Variants in ST14 observed in about 807,000 individuals in gnomAD.
ST14 encodes the protein suppressor of tumorigenicity 14 protein.
ST14 carries 40 observed loss-of-function variants against 96.5 expected under a neutral mutation model. The ratio of observed to expected loss-of-function variants is 0.41; its 90% CI spans 0.32 to 0.54. The LOEUF (loss-of-function observed/expected upper bound fraction) is 0.54. Ranked by LOEUF, ST14 falls within the 20% of genes least tolerant of loss-of-function variation. ST14 has a pLI of 0.17. For synonymous variants in ST14, 506 were observed against 492.1 expected, an observed-to-expected ratio of 1.03 and a Z score of -0.37; for missense variants, 1,066 against 1,188.9, an observed-to-expected ratio of 0.90 and a Z score of 1.52.
At position 130,188,323 on chromosome 11, in the gene ST14, C is replaced by A. The variant is rs918395668; in HGVS notation, c.241+50C>A. 1.3e-5 allele frequency: 20 copies of A among 1,594,210 alleles called. No homozygotes were observed. In the South Asian group the frequency reaches 2.1e-4, roughly 16 times the overall value. On this transcript the variant is annotated intron_variant, in intron 2 of 18. Transcript: ENST00000278742. The surrounding 1 kb of genome is among the most constrained non-coding windows in gnomAD (Gnocchi z 5.4). ...GGGGAGGACGACAAGGGGTGGCTGT[C>A]CCTCTTCCCTCAGCGGACAGACCCA...
chr11:130,160,250 A>G (rs1425028140), intron 1 of ST14, among the ~76,000 whole-genome samples, 190 bp downstream of exon 1: 3 of 148,194 alleles, frequency 2.0e-5, no homozygotes, highest in African/African-American at 7.4e-5. Context: ...TTGGTACCGG[A>G]CCGGCTGCGC....
rs565609851 is a variant in ST14, at chr11:130,175,897, A to G, written c.82-12217A>G. Reference sequence around the variant, plus strand: ...AGGCTGGTTTCAAACTCCTGACCTCAGGTGATCCACCTGCCTCAGCCTCCC... The same window carrying G: ...AGGCTGGTTTCAAACTCCTGACCTCGGGTGATCCACCTGCCTCAGCCTCCC... On this transcript the variant is annotated intron_variant, in intron 1 of 18. Transcript: ENST00000278742. 1.9e-3 allele frequency among the ~76,000 whole-genome samples: 287 copies of G among 152,132 alleles called. 2 individuals carry two copies. Among genetic ancestry groups the G allele is most frequent in the African/African-American group, 6.5e-3 (270 of 41,498 alleles).
At chr11:130,194,870 GTGTGTGCGTA>G in intron 9 of ST14, 133 bp downstream of exon 9, 2 of 838,388 alleles carry the variant, frequency 2.4e-6, no homozygotes, top group Non-Finnish European at 3.9e-6. Flanking sequence ...GTGTGTGTGT[GTGTGTGCGTA>G]TGTGTGTGTG....
At chr11:130,164,058 C>G (rs1953023053) in intron 1 of ST14, among the ~76,000 whole-genome samples, 1 of 152,198 alleles carries the variant, frequency 6.6e-6, no homozygotes, top group Non-Finnish European at 1.5e-5. Flanking sequence ...CTGATGTCTG[C>G]TCCTTCTCTG....
intron 1 of ST14, among the ~76,000 whole-genome samples, chr11:130,177,492 G>A (rs1375769045): frequency 1.3e-5 from 2 of 152,158 alleles, no homozygotes; most frequent in Non-Finnish European, 2.9e-5. Context: ...GAACCTGGGA[G>A]GTGGAGGTTG....
chr11:130,191,058 G>C (rs201830270), intron 7 of ST14, among the ~76,000 whole-genome samples: 1 of 152,248 alleles, frequency 6.6e-6, no homozygotes, highest in Non-Finnish European at 1.5e-5. Flanking sequence ...CTCTTGAAAA[G>C]ACAATTTTGT....
chr11:130,209,937 A>C lies in ST14; in HGVS notation c.*114A>C, dbSNP rs1363059266. 7.8e-7 allele frequency: 1 copy of C among 1,278,254 alleles called. No individual in the cohort carries two copies. The highest frequency in any genetic ancestry group is 1.5e-5 in the African/African-American group (1 of 68,042). 79.2% of individuals were successfully genotyped at this position (1,278,254 alleles called of 1,614,324 possible). A position where few individuals can be genotyped will look rare whatever the true frequency, so the allele number is the denominator to read the frequency against. On this transcript the variant is annotated 3_prime_UTR_variant, in exon 19 of 19. Transcript: ENST00000278742. ...GACTGCACCAGCGCCCCCAGAACAT[A>C]CACTGTGAACTCAATCTCCAGGGCT...
chr11:130,189,048 C>A, intron 4 of ST14, 109 bp downstream of exon 4: 3 of 1,242,654 alleles, frequency 2.4e-6, no homozygotes, highest in Non-Finnish European at 3.5e-6. Context: ...AGGTCCTGGC[C>A]TGGAGAGCCA....
At chr11:130,182,186 C>A (rs748139065) in intron 1 of ST14, among the ~76,000 whole-genome samples, 7 of 152,198 alleles carry the variant, frequency 4.6e-5, no homozygotes, top group Non-Finnish European at 8.8e-5. Flanking sequence ...ACCAGCCAGT[C>A]TTGAATGAGT....
At position 130,194,754 on chromosome 11, in the gene ST14, G is replaced by A. The variant is rs753664616; in HGVS notation, c.1113+17G>A. On this transcript the variant is annotated intron_variant, in intron 9 of 18. Transcript: ENST00000278742. ...AACATTGAGGTAGGAGCTATGGGGC[G>A]TGTGAACGTGTGTGTGTGTGAGCAT... 3.5e-5 allele frequency: 56 copies of A among 1,611,368 alleles called. 1 individual carries two copies. In the South Asian group the frequency reaches 3.8e-4, roughly 11 times the overall value.
At chr11:130,168,004 C>T (rs982405630) in intron 1 of ST14, among the ~76,000 whole-genome samples, 2 of 152,306 alleles carry the variant, frequency 1.3e-5, no homozygotes, top group South Asian at 2.1e-4. Flanking sequence ...CATGAGCCAC[C>T]GTGCCCAGCC....
intron 7 of ST14, among the ~76,000 whole-genome samples, chr11:130,193,221 G>A (rs1953322607): frequency 6.6e-6 from 1 of 151,688 alleles, no homozygotes; most frequent in African/African-American, 2.4e-5. Context: ...CGGAGTAGCT[G>A]GGACTGCAGG....
rs765038639 is a variant in ST14 at position 130,196,441 on chromosome 11, G to A, written c.1216G>A (p.Gly406Arg). 4 of 1,606,720 alleles carry A rather than the reference G, an allele frequency of 2.5e-6. No individual in the cohort carries two copies. The highest frequency in any genetic ancestry group is 1.3e-5 in the African/African-American group (1 of 74,854). Residue 406 changes from glycine (G) to arginine (R), a missense_variant, in exon 10 of 19, where the codon GGG becomes AGG. By Grantham distance (125) the Gly-to-Arg change is moderately radical (BLOSUM62 -2). Transcript: ENST00000278742. ...TCPKDYVEINGEKYCGERSQF... is the reference protein window; with the variant it reads ...TCPKDYVEINREKYCGERSQF... ...CCCCAAGGACTACGTGGAGATCAAC[G>A]GGGAGAAGTGAGTCCCCGGGGGTAT...
At chr11:130,162,042 C>T (rs73046956) in intron 1 of ST14, among the ~76,000 whole-genome samples, 216 of 152,318 alleles carry the variant, frequency 1.4e-3, no homozygotes, top group Non-Finnish European at 2.2e-3. Context: ...TGTCCATCCC[C>T]GGCCGGGAGG....
rs756111990 is a variant in ST14 at position 130,190,096 on chromosome 11, T to G, written c.599-17T>G. Reference sequence around the variant, plus strand: ...GATTGTATCAGGAAATGCTTTATTCTCCTTCTTATTCTTCAGCCACGGACT... The same window carrying G: ...GATTGTATCAGGAAATGCTTTATTCGCCTTCTTATTCTTCAGCCACGGACT... On this transcript the variant is annotated splice_polypyrimidine_tract_variant and intron_variant, in intron 5 of 18. Coordinates refer to ENST00000278742, the MANE Select transcript of ST14 (RefSeq NM_021978.4). 5 of 1,614,150 alleles carry G rather than the reference T, an allele frequency of 3.1e-6. No homozygotes were observed. The highest frequency in any genetic ancestry group is 3.4e-6 in the Non-Finnish European group (4 of 1,180,008).
chr11:130,178,193 G>T (rs866167371), intron 1 of ST14, among the ~76,000 whole-genome samples: 4 of 152,176 alleles, frequency 2.6e-5, no homozygotes, highest in Non-Finnish European at 5.9e-5. Context: ...TAGGAAAAAG[G>T]GTTTAACAAA....
chr11:130,169,385 A>T, intron 1 of ST14, among the ~76,000 whole-genome samples: 1 of 152,236 alleles, frequency 6.6e-6, no homozygotes, highest in Non-Finnish European at 1.5e-5. Context: ...ATGAGCCACC[A>T]CGCCTGGCCT....
In ST14 at chr11:130,178,966, T is replaced by C. The variant is rs1236047913; in HGVS notation, c.82-9148T>C. ...CTTCTGGGATGATGCTTATAACCAA[T>C]TGTGGGAGGGTCCCCAGGGCGTGGA... On this transcript the variant is annotated intron_variant, in intron 1 of 18. Coordinates refer to ENST00000278742, the MANE Select transcript of ST14 (RefSeq NM_021978.4). 2.0e-5 allele frequency among the ~76,000 whole-genome samples: 3 copies of C among 152,122 alleles called. No individual in the cohort carries two copies. In the East Asian group the frequency reaches 5.8e-4, roughly 29 times the overall value.
chr11:130,194,855 T>TGC (rs1953343622), intron 9 of ST14, 118 bp downstream of exon 9: 2 of 87,334 alleles, frequency 2.3e-5, no homozygotes, highest in Admixed American at 4.8e-4. Flanking sequence ...TGTGTGCATG[T>TGC]GTGTGTGTGT....
Sources: gnomAD v4.1 joint callset for allele counts (sites outside exome capture counted in the v4.1 genomes callset) on GRCh38, gnomAD v4.1.1 for gene constraint, Gnocchi (gnomAD v3.1) non-coding constraint, MANE v1.5 for transcripts, NCBI Gene and HGNC (gene_info 2026-07-23, HGNC 2026-07-21) for gene names.